Variants in STK32B observed in about 807,000 individuals in gnomAD.
STK32B encodes serine/threonine-protein kinase 32B.
STK32B carries 43 observed loss-of-function variants against 52.6 expected under a neutral mutation model. The observed-to-expected ratio is 0.82, with a 90% CI of 0.64 to 1.05. The LOEUF is 1.05. Among genes scored for constraint, STK32B ranks in the 50% least tolerant of loss-of-function variants. The pLI is 0.00. For synonymous variants in STK32B, 238 were observed against 204.3 expected (o/e 1.17, Z -1.41); for missense variants, 621 against 534.6 (o/e 1.16, Z -1.59).
rs564294160 is a variant in STK32B, at chr4:5,264,883, C to A, written c.261-66337C>A. 3.3e-5 allele frequency among the ~76,000 whole-genome samples: 5 copies of A among 152,272 alleles called. No homozygotes were observed. The East Asian group carries it at 9.7e-4, about 29-fold the overall frequency. On this transcript the variant is annotated intron_variant, in intron 3 of 11. Transcript: ENST00000282908. ...GTATTTTGTGAATTCTTTATCCCAACATATGGCTTGCTTTTTATTTTATTA... is the reference window on the plus strand; with the variant it reads ...GTATTTTGTGAATTCTTTATCCCAAAATATGGCTTGCTTTTTATTTTATTA...
rs1736741600 is a variant in STK32B at position 5,394,199 on chromosome 4, A to G, written c.435-4008A>G. On this transcript the variant is annotated intron_variant, in intron 4 of 11. Transcript: ENST00000282908. The surrounding 1 kb of genome is among the most constrained non-coding windows in gnomAD (Gnocchi z 4.2). ...GCTTTGTTTTATTTGAGGGCTGGGG[A>G]ATAATTCAAGAGCAGCACCGGGTTT... 6.6e-6 allele frequency among the ~76,000 whole-genome samples: 1 copy of G among 152,176 alleles called. No homozygotes were observed. The highest frequency in any genetic ancestry group is 2.4e-5 in the African/African-American group (1 of 41,434).
At chr4:5,151,695 A>T (rs1717380329) in intron 2 of STK32B, among the ~76,000 whole-genome samples, 1 of 152,174 alleles carries the variant, frequency 6.6e-6, no homozygotes, top group Non-Finnish European at 1.5e-5. Flanking sequence ...AGTGGAAACA[A>T]TTTAGATTTT....
intron 2 of STK32B, among the ~76,000 whole-genome samples, chr4:5,154,174 C>T (rs893972067): frequency 6.7e-6 from 1 of 148,812 alleles, no homozygotes; most frequent in African/African-American, 2.5e-5. Flanking sequence ...TCCTACTAAT[C>T]TATGGCTGGA....
intron 3 of STK32B, among the ~76,000 whole-genome samples, chr4:5,268,006 A>G (rs1050871923): frequency 6.6e-6 from 1 of 152,172 alleles, no homozygotes; most frequent in Admixed American, 6.5e-5. Flanking sequence ...TGGACAAGGT[A>G]CAAGAATAGT....
intron 2 of STK32B, among the ~76,000 whole-genome samples, chr4:5,163,310 A>G (rs1301119827): frequency 6.6e-6 from 1 of 152,226 alleles, no homozygotes; most frequent in Admixed American, 6.5e-5. Context: ...TGACTGCCAG[A>G]TAAAAACGGG....
chr4:5,380,011 G>T lies in STK32B; in HGVS notation c.435-18196G>T, dbSNP rs1036865947. ...TGTGACTCCCAGGGCTGCAGCTGTA[G>T]CTACCACCGTCAGAGACAGGCCCTG... On this transcript the variant is annotated intron_variant, in intron 4 of 11. Transcript: ENST00000282908. The surrounding 1 kb of genome is among the most constrained non-coding windows in gnomAD (Gnocchi z 4.3). 3.9e-5 allele frequency among the ~76,000 whole-genome samples: 6 copies of T among 152,162 alleles called. No individual in the cohort carries two copies. The highest frequency in any genetic ancestry group is 1.4e-4 in the African/African-American group (6 of 41,444).
intron 9 of STK32B, among the ~76,000 whole-genome samples, chr4:5,462,452 G>A (rs1717108106): frequency 6.6e-6 from 1 of 152,078 alleles, no homozygotes. Context: ...GGCAGGGGCA[G>A]CTGCGGGGGC....
At chr4:5,279,671 T>C (rs1560282168) in intron 3 of STK32B, among the ~76,000 whole-genome samples, 2 of 152,196 alleles carry the variant, frequency 1.3e-5, no homozygotes, top group Non-Finnish European at 2.9e-5. Context: ...ACTGCCCTAA[T>C]AGAGGTTCTC....
intron 3 of STK32B, among the ~76,000 whole-genome samples, chr4:5,329,017 A>G (rs1414479140): frequency 1.3e-5 from 2 of 152,196 alleles, no homozygotes; most frequent in Non-Finnish European, 2.9e-5. Flanking sequence ...CAACAATAAT[A>G]AAAACTTTCT....
At chr4:5,224,969 A>G (rs1393081947) in intron 3 of STK32B, among the ~76,000 whole-genome samples, 1 of 152,208 alleles carries the variant, frequency 6.6e-6, no homozygotes, top group African/African-American at 2.4e-5. Flanking sequence ...GCCTATTTAA[A>G]GTGTTCTCGG....
intron 3 of STK32B, among the ~76,000 whole-genome samples, chr4:5,187,159 C>A (rs74883141): frequency 6.6e-6 from 1 of 152,196 alleles, no homozygotes; most frequent in Non-Finnish European, 1.5e-5. Context: ...CCCAGGGTCA[C>A]GTGGAAGAGC....
At chr4:5,492,648 T>G (rs1435458399) in intron 11 of STK32B, among the ~76,000 whole-genome samples, 1 of 150,642 alleles carries the variant, frequency 6.6e-6, no homozygotes, top group Non-Finnish European at 1.5e-5. Context: ...ATCCCTGTCT[T>G]GTGCCAGTTT....
intron 4 of STK32B, among the ~76,000 whole-genome samples, chr4:5,343,881 A>G (rs1733269611): frequency 6.6e-6 from 1 of 152,244 alleles, no homozygotes; most frequent in Admixed American, 6.5e-5. Flanking sequence ...ATGCCTTTGA[A>G]GTCTTATATG....
intron 3 of STK32B, among the ~76,000 whole-genome samples, chr4:5,230,054 G>T (rs937062139): frequency 6.6e-6 from 1 of 151,754 alleles, no homozygotes; most frequent in Non-Finnish European, 1.5e-5. Context: ...GTGCAATGGC[G>T]TGATCTTGGC....
intron 3 of STK32B, among the ~76,000 whole-genome samples, chr4:5,316,784 TAC>T (rs1491407389): frequency 2.0e-3 from 3 of 1,518 alleles, no homozygotes; most frequent in Admixed American, 0.02. Context: ...TTATATATTA[TAC>T]ATATATATTA....
At chr4:5,061,653 G>A (rs948997190) in intron 1 of STK32B, among the ~76,000 whole-genome samples, 1 of 152,168 alleles carries the variant, frequency 6.6e-6, no homozygotes, top group East Asian at 1.9e-4. Context: ...TAGGAATCAT[G>A]CTTCATCTTA....
At chr4:5,485,891 G>A (rs1719146600) in intron 11 of STK32B, among the ~76,000 whole-genome samples, 1 of 152,206 alleles carries the variant, frequency 6.6e-6, no homozygotes, top group Admixed American at 6.5e-5. Context: ...AGCGAAGGCT[G>A]CAGAACAGTG....
chr4:5,122,472 CCTT>C (rs1464600451), intron 1 of STK32B, among the ~76,000 whole-genome samples: 4 of 152,074 alleles, frequency 2.6e-5, no homozygotes, highest in African/African-American at 7.2e-5. Flanking sequence ...GTTGTTAACT[CCTT>C]CACTCATTCA....
At chr4:5,231,852 C>T (rs1023444329) in intron 3 of STK32B, among the ~76,000 whole-genome samples, 2 of 151,918 alleles carry the variant, frequency 1.3e-5, no homozygotes, top group African/African-American at 4.8e-5. Context: ...GGGACCACAG[C>T]GGGTATTTTT....
Sources: gnomAD v4.1 joint callset for allele counts (sites outside exome capture counted in the v4.1 genomes callset) on GRCh38, gnomAD v4.1.1 for gene constraint, Gnocchi (gnomAD v3.1) non-coding constraint, MANE v1.5 for transcripts, NCBI Gene and HGNC (gene_info 2026-07-23, HGNC 2026-07-21) for gene names.